Variants in FMNL2 observed in about 807,000 individuals in gnomAD.
FMNL2 encodes the protein formin like 2.
Under a neutral mutation model 130.2 loss-of-function variants are expected in FMNL2, and 51 were observed. That is an observed-to-expected ratio of 0.39 (90% confidence interval 0.31 to 0.49). The LOEUF (loss-of-function observed/expected upper bound fraction) is 0.49. Among genes scored for constraint, FMNL2 ranks in the 20% least tolerant of loss-of-function variants. FMNL2 has a pLI of 0.85. For missense variants in FMNL2, 977 were observed against 1,316.2 expected (o/e 0.74, Z 3.99); for synonymous variants, 465 against 467.1 (o/e 1.00, Z 0.06).
intron 1 of FMNL2, among the ~76,000 whole-genome samples, chr2:152,455,405 G>C (rs770288815): frequency 5.3e-4 from 80 of 152,188 alleles, no homozygotes; most frequent in Non-Finnish European, 9.7e-4. Context: ...GGAAAGGCAC[G>C]GGTGAAACCA....
chr2:152,597,560 G>A (rs1266488264), intron 9 of FMNL2, among the ~76,000 whole-genome samples: 1 of 152,136 alleles, frequency 6.6e-6, no homozygotes, highest in Non-Finnish European at 1.5e-5. Flanking sequence ...CGTGGCTGTG[G>A]TGAATACAGG....
chr2:152,428,638 T>C (rs894991447), intron 1 of FMNL2, among the ~76,000 whole-genome samples: 4 of 152,206 alleles, frequency 2.6e-5, no homozygotes, highest in Admixed American at 2.0e-4. Context: ...ATTTTATTCT[T>C]TTTGTAAAGA....
chr2:152,601,579 G>T (rs1452116537), intron 9 of FMNL2, among the ~76,000 whole-genome samples: 16 of 151,590 alleles, frequency 1.1e-4, no homozygotes, highest in African/African-American at 3.1e-4. Context: ...GGGATTACAG[G>T]CATGAGCCAC....
chr2:152,452,324 G>A (rs916786768), intron 1 of FMNL2, among the ~76,000 whole-genome samples: 1 of 152,202 alleles, frequency 6.6e-6, no homozygotes, highest in African/African-American at 2.4e-5. Context: ...CTCCTCGCCT[G>A]TTGACTCCTT....
intron 1 of FMNL2, among the ~76,000 whole-genome samples, chr2:152,454,821 A>T (rs781350550): frequency 2.0e-4 from 31 of 152,324 alleles, no homozygotes; most frequent in Non-Finnish European, 3.1e-4. Flanking sequence ...GAAAGGGCCA[A>T]AGAAGGGGCA....
intron 1 of FMNL2, among the ~76,000 whole-genome samples, chr2:152,382,246 A>G (rs1684516378): frequency 6.6e-6 from 1 of 152,200 alleles, no homozygotes; most frequent in South Asian, 2.1e-4. Context: ...ATTGTGCTCC[A>G]TTTTTGTGCG....
chr2:152,518,150 C>T (rs905479284), intron 1 of FMNL2, among the ~76,000 whole-genome samples: 4 of 152,144 alleles, frequency 2.6e-5, no homozygotes, highest in Non-Finnish European at 4.4e-5. Context: ...TGAGTTCACT[C>T]GAAAGAAGTT....
intron 1 of FMNL2, among the ~76,000 whole-genome samples, chr2:152,427,550 A>G (rs1197296573): frequency 1.3e-5 from 2 of 152,218 alleles, no homozygotes; most frequent in Non-Finnish European, 2.9e-5. Context: ...TTCTTAAAAA[A>G]TAAATAAATA....
At chr2:152,583,080 T>C (rs1696881577) in intron 9 of FMNL2, among the ~76,000 whole-genome samples, 3 of 152,260 alleles carry the variant, frequency 2.0e-5, no homozygotes, top group Admixed American at 1.3e-4. Flanking sequence ...ATATATGCTT[T>C]AGCTATTTAG....
At chr2:152,378,561 T>TTAGC (rs1408497099) in intron 1 of FMNL2, among the ~76,000 whole-genome samples, 1 of 152,224 alleles carries the variant, frequency 6.6e-6, no homozygotes, top group African/African-American at 2.4e-5. Flanking sequence ...GAGCATTGAG[T>TTAGC]TAGCAATCAG....
rs534161317 is a variant in FMNL2, at chr2:152,372,436, TG to T, written c.117+36719del. 1.9e-4 allele frequency among the ~76,000 whole-genome samples: 29 copies of T among 152,356 alleles called. No homozygotes were observed. The South Asian group carries it at 2.3e-3, about 12-fold the overall frequency. ...ATAGGTGCATTCTTTATATGGTTCA[TG>T]GGAGGATTTGGTTTATTTTTAGAGT... On this transcript the variant is annotated intron_variant, in intron 1 of 25. Transcript: ENST00000288670.
In FMNL2 at chr2:152,376,276, C is replaced by T. The variant is rs191178251; in HGVS notation, c.117+40556C>T. Among the ~76,000 whole-genome samples, 6 of 152,248 alleles carry T rather than the reference C, an allele frequency of 3.9e-5. No individual in the cohort carries two copies. In the East Asian group the frequency reaches 7.7e-4, roughly 20 times the overall value. On this transcript the variant is annotated intron_variant, in intron 1 of 25. Coordinates refer to ENST00000288670, the MANE Select transcript of FMNL2 (RefSeq NM_052905.4). ...CATCAGTTGGTGGACGTTTAAATTG[C>T]TTCTACTTTCTGGCTATTATGAATA...
chr2:152,530,185 A>T lies in FMNL2; in HGVS notation c.201+8159A>T, dbSNP rs193199168. On this transcript the variant is annotated intron_variant, in intron 2 of 25. Transcript: ENST00000288670. ...TATAAACTTGAGGACACTGAGGTTG[A>T]TCTTTGACTATCTTTTAGAAAATCA... Among the ~76,000 whole-genome samples the T allele has an allele frequency of 1.7e-3, 256 of 152,340 alleles. 1 individual carries two copies. The highest frequency in any genetic ancestry group is 6.8e-3 in the Middle Eastern group (2 of 292).
intron 1 of FMNL2, among the ~76,000 whole-genome samples, chr2:152,509,200 C>T (rs908736023): frequency 3.9e-5 from 6 of 152,158 alleles, no homozygotes; most frequent in African/African-American, 1.4e-4. Context: ...TCCAAATAGA[C>T]AAACATTGAA....
intron 6 of FMNL2, among the ~76,000 whole-genome samples, chr2:152,562,003 T>G (rs1695557835): frequency 6.6e-6 from 1 of 152,202 alleles, no homozygotes; most frequent in African/African-American, 2.4e-5. Flanking sequence ...ATTGCTGAGG[T>G]TGTTCATTCA....
At chr2:152,436,867 T>C (rs576095411) in intron 1 of FMNL2, among the ~76,000 whole-genome samples, 2 of 152,336 alleles carry the variant, frequency 1.3e-5, no homozygotes, top group African/African-American at 4.8e-5. Context: ...CTGTCCACGA[T>C]ATTTATATGT....
chr2:152,619,756 G>T, intron 15 of FMNL2, 38 bp downstream of exon 15: 2 of 1,586,738 alleles, frequency 1.3e-6, no homozygotes, highest in Non-Finnish European at 1.7e-6. Flanking sequence ...ACTCATATCA[G>T]AAATGCTGTC....
intron 1 of FMNL2, among the ~76,000 whole-genome samples, chr2:152,416,431 AACTG>A (rs1320036491): frequency 2.0e-5 from 3 of 152,222 alleles, no homozygotes; most frequent in Admixed American, 1.3e-4. Flanking sequence ...ATGAAGAATG[AACTG>A]ACTTTCTAAT....
At chr2:152,464,006 C>A (rs1689389873) in intron 1 of FMNL2, among the ~76,000 whole-genome samples, 1 of 152,232 alleles carries the variant, frequency 6.6e-6, no homozygotes, top group African/African-American at 2.4e-5. Flanking sequence ...AGTCTTGGCT[C>A]ACTGCAACCT....
Sources: gnomAD v4.1 joint callset for allele counts (sites outside exome capture counted in the v4.1 genomes callset) on GRCh38, gnomAD v4.1.1 for gene constraint, MANE v1.5 for transcripts, NCBI Gene and HGNC (gene_info 2026-07-23, HGNC 2026-07-21) for gene names.